SLC24A2: variants seen among roughly 807,000 people sequenced by gnomAD.
SLC24A2 encodes the protein solute carrier family 24 member 2.
A neutral mutation model predicts 62.0 loss-of-function variants in SLC24A2; 36 were observed. The ratio of observed to expected loss-of-function variants is 0.58; its 90% confidence interval spans 0.44 to 0.77. The LOEUF (loss-of-function observed/expected upper bound fraction) is 0.77, where lower values mean the gene tolerates loss of function less well. SLC24A2 is among the 30% of genes least tolerant of loss of function. The pLI, the probability that SLC24A2 is intolerant of heterozygous loss-of-function variation, is 0.00. For missense variants in SLC24A2, 846 were observed against 817.9 expected (o/e 1.03, Z -0.42); for synonymous variants, 358 against 294.0 (o/e 1.22, Z -2.23).
chr9:19,885,550 T>C, the SLC24A2 span, among the ~76,000 whole-genome samples: 62,531 of 152,054 alleles, frequency 0.41, 13,448 homozygotes, highest in East Asian at 0.84. Flanking sequence ...GTGCAGCTTG[T>C]ATGTGGTGTA....
chr9:19,549,881 TTG>T (rs1834760038), intron 8 of SLC24A2, among the ~76,000 whole-genome samples: 1 of 152,218 alleles, frequency 6.6e-6, no homozygotes, highest in African/African-American at 2.4e-5. Context: ...TTATGCAGAT[TTG>T]ATAACCTGAA....
the SLC24A2 span, among the ~76,000 whole-genome samples, chr9:20,049,420 TACTAA>T: frequency 6.6e-6 from 1 of 152,152 alleles, no homozygotes; most frequent in South Asian, 2.1e-4. Context: ...CTAAATAGTA[TACTAA>T]ACTAAATAGT....
the SLC24A2 span, among the ~76,000 whole-genome samples, chr9:20,260,140 G>A: frequency 1.3e-5 from 2 of 152,184 alleles, no homozygotes; most frequent in African/African-American, 2.4e-5. Flanking sequence ...ATTAGACCAC[G>A]AGGGCTCCAA....
chr9:19,609,190 A>C (rs995876630), intron 4 of SLC24A2, among the ~76,000 whole-genome samples: 1 of 152,206 alleles, frequency 6.6e-6, no homozygotes, highest in African/African-American at 2.4e-5. Flanking sequence ...GGCCACTTAC[A>C]TGAATGTGCG....
At chr9:19,546,757 C>G (rs1834597508) in intron 8 of SLC24A2, among the ~76,000 whole-genome samples, 1 of 152,012 alleles carries the variant, frequency 6.6e-6, no homozygotes, top group Non-Finnish European at 1.5e-5. Flanking sequence ...CAACACAAAA[C>G]TCCTGCAGCT....
At chr9:19,974,444 C>T in the SLC24A2 span, among the ~76,000 whole-genome samples, 1 of 152,170 alleles carries the variant, frequency 6.6e-6, no homozygotes. Flanking sequence ...TAAATTGTGT[C>T]AACAAGTGCT....
At chr9:19,547,563 A>G (rs1009616038) in intron 8 of SLC24A2, among the ~76,000 whole-genome samples, 1 of 147,586 alleles carries the variant, frequency 6.8e-6, no homozygotes, top group Admixed American at 6.6e-5. Context: ...GAGGATAAAC[A>G]CTTTGCCAGC....
At chr9:19,709,405 G>C (rs576660076) in intron 2 of SLC24A2, among the ~76,000 whole-genome samples, 4 of 152,278 alleles carry the variant, frequency 2.6e-5, no homozygotes, top group African/African-American at 9.6e-5. Context: ...CCATTACTGG[G>C]TATATACCCA....
the SLC24A2 span, among the ~76,000 whole-genome samples, chr9:20,159,773 T>C: frequency 6.6e-6 from 1 of 151,580 alleles, no homozygotes; most frequent in Non-Finnish European, 1.5e-5. Flanking sequence ...CTAGATATAA[T>C]GGTAACCACA....
chr9:19,555,331 A>G (rs1835030080), intron 7 of SLC24A2, among the ~76,000 whole-genome samples: 1 of 152,228 alleles, frequency 6.6e-6, no homozygotes, highest in African/African-American at 2.4e-5. Flanking sequence ...TGAGAAACTG[A>G]AAAATCTTAG....
chr9:20,298,966 A>G, the SLC24A2 span, among the ~76,000 whole-genome samples: 1 of 152,214 alleles, frequency 6.6e-6, no homozygotes, highest in Admixed American at 6.5e-5. Context: ...GGAGGATCCT[A>G]GAGGACATGC....
At chr9:19,590,834 C>T (rs188236322) in intron 5 of SLC24A2, among the ~76,000 whole-genome samples, 1 of 152,158 alleles carries the variant, frequency 6.6e-6, no homozygotes, top group Non-Finnish European at 1.5e-5. Flanking sequence ...GTCAAAAAAC[C>T]CCCAATTTGA....
In SLC24A2 at chr9:19,625,697, T is replaced by TA. The variant is rs1668964589; in HGVS notation, c.931-3399_931-3398insT. Among the ~76,000 whole-genome samples, 3 of 151,614 alleles carry TA rather than the reference T, an allele frequency of 2.0e-5. No individual in the cohort carries two copies. In the South Asian group the frequency reaches 6.3e-4, roughly 32 times the overall value. On this transcript the variant is annotated intron_variant, in intron 2 of 10. Coordinates refer to ENST00000341998, the MANE Select transcript of SLC24A2 (RefSeq NM_020344.4). ...ATTTCCTTTTTTTTCTTTTCTTTTT[T>TA]TTTTTTGAGATGGGGTTTCACTCTT...
the SLC24A2 span, among the ~76,000 whole-genome samples, chr9:20,014,938 T>G: frequency 6.6e-6 from 1 of 152,220 alleles, no homozygotes; most frequent in Non-Finnish European, 1.5e-5. Context: ...TTAATTAGTT[T>G]GATTTAATCA....
At chr9:19,706,987 A>G (rs1233646173) in intron 2 of SLC24A2, among the ~76,000 whole-genome samples, 1 of 151,998 alleles carries the variant, frequency 6.6e-6, no homozygotes, top group Non-Finnish European at 1.5e-5. Context: ...TGAAAGGATC[A>G]ACAAAATTGA....
At chr9:20,072,783 CAAG>C in the SLC24A2 span, among the ~76,000 whole-genome samples, 1 of 152,006 alleles carries the variant, frequency 6.6e-6, no homozygotes, top group Non-Finnish European at 1.5e-5. Context: ...CCAAGGAATA[CAAG>C]AAGCTGAAGA....
rs566084697 is a variant in SLC24A2, at chr9:19,699,204, C to T, written c.931-76905G>A. On this transcript the variant is annotated intron_variant, in intron 2 of 10. Transcript: ENST00000341998. ...AGTACTGTGTTAGCATATAAACAAA[C>T]GTGGAACTGCATGGGGACAAGAACG... Among the ~76,000 whole-genome samples, 6 of 152,162 alleles carry T rather than the reference C, an allele frequency of 3.9e-5. 1 individual carries two copies. The South Asian group carries it at 1.2e-3, about 32-fold the overall frequency.
At chr9:20,240,011 C>A in the SLC24A2 span, among the ~76,000 whole-genome samples, 8 of 152,088 alleles carry the variant, frequency 5.3e-5, no homozygotes, top group Admixed American at 3.9e-4. Flanking sequence ...GGAAGCTTAG[C>A]AGTAGAGACT....
the SLC24A2 span, among the ~76,000 whole-genome samples, chr9:20,276,776 G>T: frequency 2.6e-5 from 4 of 152,214 alleles, no homozygotes; most frequent in Admixed American, 6.5e-5. Flanking sequence ...CTCAGTGCTT[G>T]ACTTCTGTAT....
Sources: allele counts gnomAD v4.1 joint callset (sites outside exome capture counted in the v4.1 genomes callset), GRCh38; gene constraint gnomAD v4.1.1; transcripts MANE v1.5; gene names NCBI Gene and HGNC (gene_info 2026-07-23, HGNC 2026-07-21).